Variants in GLIPR2 observed in about 807,000 individuals in gnomAD.
The protein encoded by GLIPR2 is GLI pathogenesis related 2.
A neutral mutation model predicts 20.4 loss-of-function variants in GLIPR2; 21 were observed. The observed-to-expected ratio is 1.03, with a 90% CI of 0.73 to 1.48. The LOEUF (loss-of-function observed/expected upper bound fraction) is 1.48, where lower values mean the gene tolerates loss of function less well. GLIPR2 is among the 40% of genes most tolerant of loss of function. The pLI is 0.00. For synonymous variants in GLIPR2, 91 were observed against 80.5 expected (o/e 1.13, Z -0.70); for missense variants, 205 against 200.1 (o/e 1.02, Z -0.15).
At chr9:36,156,409 A>AG in intron 4 of GLIPR2, among the ~76,000 whole-genome samples, 1 of 149,942 alleles carries the variant, frequency 6.7e-6, no homozygotes, top group Middle Eastern at 3.4e-3. Context: ...AAAAAAAAAA[A>AG]AAAGAAATTG....
chr9:36,139,415 G>A (rs1288191387), intron 1 of GLIPR2, among the ~76,000 whole-genome samples: 2 of 151,982 alleles, frequency 1.3e-5, no homozygotes, highest in Non-Finnish European at 1.5e-5. Context: ...CCGGAAAACC[G>A]AGAGCCCCCA....
intron 1 of GLIPR2, among the ~76,000 whole-genome samples, chr9:36,143,677 G>A (rs1442229409): frequency 6.6e-6 from 1 of 152,126 alleles, no homozygotes; most frequent in Non-Finnish European, 1.5e-5. Flanking sequence ...TCCTACCCCA[G>A]CAGGACCTTA....
chr9:36,152,950 T>G, intron 4 of GLIPR2, among the ~76,000 whole-genome samples: 2 of 41,364 alleles, frequency 4.8e-5, no homozygotes, highest in Non-Finnish European at 9.0e-5. Flanking sequence ...CTACTGAAAG[T>G]GCAAAAAAAA....
chr9:36,149,706 C>T (rs1313099255), intron 3 of GLIPR2, among the ~76,000 whole-genome samples: 8 of 152,108 alleles, frequency 5.3e-5, no homozygotes, highest in Admixed American at 3.9e-4. Context: ...CTACTCTGGT[C>T]GCACATTGGA....
chr9:36,136,646 T>A, upstream of GLIPR2: 1 of 621,938 alleles, frequency 1.6e-6, no homozygotes, highest in Non-Finnish European at 2.3e-6. The surrounding 1 kb of genome is among the most constrained non-coding windows in gnomAD (Gnocchi z 4.3). Context: ...TGTCGCTCCT[T>A]ATAAGGCGGG....
chr9:36,145,266 T>A (rs1167864461), intron 1 of GLIPR2, among the ~76,000 whole-genome samples: 1 of 152,252 alleles, frequency 6.6e-6, no homozygotes, highest in Non-Finnish European at 1.5e-5. Flanking sequence ...CATCATAGCC[T>A]GGCTGGCTAG....
chr9:36,156,619 T>A (rs958773101), intron 4 of GLIPR2, among the ~76,000 whole-genome samples: 1 of 152,152 alleles, frequency 6.6e-6, no homozygotes, highest in Non-Finnish European at 1.5e-5. Context: ...TATGGGCCCA[T>A]GGCCTGTTAA....
chr9:36,141,572 G>T (rs1023546246), intron 1 of GLIPR2, among the ~76,000 whole-genome samples: 2 of 152,180 alleles, frequency 1.3e-5, no homozygotes, highest in African/African-American at 4.8e-5. Flanking sequence ...GGCCTCAGGA[G>T]AGGAGGAAGA....
chr9:36,150,044 CCAAA>C (rs766088093), intron 3 of GLIPR2, among the ~76,000 whole-genome samples: 17 of 152,214 alleles, frequency 1.1e-4, no homozygotes, highest in Admixed American at 1.3e-4. Context: ...ACAAAACAAA[CCAAA>C]CAAACAAACA....
chr9:36,136,630 C>G, upstream of GLIPR2: 1 of 537,606 alleles, frequency 1.9e-6, no homozygotes, highest in Non-Finnish European at 2.8e-6. This position sits in a 1 kb window ranked among gnomAD's most constrained non-coding sequence, Gnocchi z 4.3. Context: ...CGCCTCCGCC[C>G]TCAGCTGTCG....
intron 1 of GLIPR2, chr9:36,144,645 G>C (rs2132725028): frequency 6.6e-6 from 1 of 152,550 alleles, no homozygotes; most frequent in South Asian, 2.1e-4. Context: ...CTGGGGTTCA[G>C]AGCCCCCATA....
At position 36,154,078 on chromosome 9, in the gene GLIPR2, A is replaced by G. The variant is rs1044049486; in HGVS notation, c.304+3129A>G. Among the ~76,000 whole-genome samples the G allele has an allele frequency of 2.2e-3, 300 of 135,056 alleles. 3 individuals are homozygous for G. Among genetic ancestry groups the G allele is most frequent in the African/African-American group, 7.5e-3 (260 of 34,552 alleles). 88.6% of individuals were successfully genotyped at this position (135,056 alleles called of 152,430 possible). On this transcript the variant is annotated intron_variant, in intron 4 of 4. Transcript: ENST00000377960. ...TATTATATATTATATATTATATATT[A>G]TATATTATATATATATATCTTTTCC...
Position 36,147,846 on chromosome 9 carries a change from G to T in GLIPR2, c.74G>T (p.Gly25Val). Residue 25 changes from glycine (G) to valine (V), a missense_variant, in exon 2 of 5, where the codon GGC becomes GTC. Transcript: ENST00000377960. ...CACAATGAGTACCGGCAGAAGCACG[G>T]CGTCCCCCCACTGAAGCTCTGCAAG... The part of the protein sequence containing the change: ...KAHNEYRQKH[G>V]VPPLKLCKNL... 1 of 1,601,300 alleles carries T rather than the reference G, an allele frequency of 6.2e-7. No individual in the cohort carries two copies. The highest frequency in any genetic ancestry group is 8.6e-7 in the Non-Finnish European group (1 of 1,168,288).
chr9:36,157,711 C>T (rs919641488), intron 4 of GLIPR2, among the ~76,000 whole-genome samples: 2 of 148,510 alleles, frequency 1.3e-5, no homozygotes, highest in African/African-American at 5.0e-5. Flanking sequence ...CACACACACA[C>T]ACATATATAT....
At chr9:36,156,729 G>C (rs975579807) in intron 4 of GLIPR2, among the ~76,000 whole-genome samples, 5 of 152,128 alleles carry the variant, frequency 3.3e-5, no homozygotes, top group Non-Finnish European at 2.9e-5. Flanking sequence ...TCTCATAGGA[G>C]CATGAACCCT....
intron 4 of GLIPR2, among the ~76,000 whole-genome samples, chr9:36,160,719 A>G (rs1365765704): frequency 6.6e-6 from 1 of 152,168 alleles, no homozygotes; most frequent in Non-Finnish European, 1.5e-5. Flanking sequence ...AGGGAAGTAA[A>G]TAGATATGAT....
At chr9:36,155,185 T>A (rs768412078) in intron 4 of GLIPR2, among the ~76,000 whole-genome samples, 2 of 152,264 alleles carry the variant, frequency 1.3e-5, no homozygotes, top group Non-Finnish European at 2.9e-5. Context: ...TTGCTTCAAT[T>A]GTATCATGTC....
intron 4 of GLIPR2, among the ~76,000 whole-genome samples, chr9:36,160,582 A>G (rs1826014309): frequency 6.6e-6 from 1 of 152,112 alleles, no homozygotes; most frequent in Non-Finnish European, 1.5e-5. Flanking sequence ...ACAGAAGAAA[A>G]AAAATGTGCA....
At chr9:36,162,225 C>T in intron 4 of GLIPR2, 137 bp from the exon 5 acceptor site, 1 of 1,575,724 alleles carries the variant, frequency 6.3e-7, no homozygotes, top group African/African-American at 1.4e-5. Flanking sequence ...CTCTCCTTCC[C>T]CTGCAGGGGG....
Sources: gnomAD v4.1 joint callset for allele counts (sites outside exome capture counted in the v4.1 genomes callset) on GRCh38, gnomAD v4.1.1 for gene constraint, Gnocchi (gnomAD v3.1) non-coding constraint, MANE v1.5 for transcripts, NCBI Gene and HGNC (gene_info 2026-07-23, HGNC 2026-07-21) for gene names.